Variants in CTNNA3 observed in about 807,000 individuals in gnomAD.
The protein encoded by CTNNA3 is catenin alpha-3.
A neutral mutation model predicts 95.7 loss-of-function variants in CTNNA3; 76 were observed. The ratio of observed to expected loss-of-function variants is 0.79; its 90% CI spans 0.66 to 0.96. The LOEUF (loss-of-function observed/expected upper bound fraction) is 0.96, where lower values mean the gene tolerates loss of function less well. Among genes scored for constraint, CTNNA3 ranks in the 40% least tolerant of loss-of-function variants. CTNNA3 has a pLI of 0.00. For synonymous variants in CTNNA3, 431 were observed against 374.4 expected (o/e 1.15, Z -1.74); for missense variants, 1,191 against 1,089.8 (o/e 1.09, Z -1.31).
intron 7 of CTNNA3, among the ~76,000 whole-genome samples, chr10:67,119,815 G>A (rs1859369298): frequency 6.6e-6 from 1 of 151,800 alleles, no homozygotes; most frequent in Non-Finnish European, 1.5e-5. Context: ...TCTAAGGTAT[G>A]TGACACATCG....
chr10:66,346,201 A>ATG, intron 12 of CTNNA3, among the ~76,000 whole-genome samples: 4 of 145,760 alleles, frequency 2.7e-5, no homozygotes, highest in Middle Eastern at 3.5e-3. Flanking sequence ...AATAGTAAGT[A>ATG]TGTGTGTGTG....
chr10:66,150,127 C>T (rs1359761520), intron 13 of CTNNA3, among the ~76,000 whole-genome samples: 3 of 152,206 alleles, frequency 2.0e-5, no homozygotes, highest in African/African-American at 7.2e-5. Context: ...ACAATTCCCA[C>T]GTGTCATGGG....
At chr10:67,526,064 G>T (rs1022883591) in intron 4 of CTNNA3, among the ~76,000 whole-genome samples, 1 of 152,076 alleles carries the variant, frequency 6.6e-6, no homozygotes, top group African/African-American at 2.4e-5. Flanking sequence ...CAGAAGGAAA[G>T]AATAGTCAAA....
chr10:66,367,941 G>C (rs1049375319), intron 12 of CTNNA3, among the ~76,000 whole-genome samples: 2 of 144,664 alleles, frequency 1.4e-5, no homozygotes, highest in Non-Finnish European at 3.0e-5. Context: ...CTGGGAGCCC[G>C]CTGACTTTGT....
chr10:65,937,873 G>A (rs538077919), intron 17 of CTNNA3, among the ~76,000 whole-genome samples: 41 of 152,114 alleles, frequency 2.7e-4, no homozygotes, highest in Non-Finnish European at 5.3e-4. Flanking sequence ...TTGCAAGCAG[G>A]TTTGGCATGC....
At chr10:65,969,531 T>C (rs1377200218) in intron 16 of CTNNA3, among the ~76,000 whole-genome samples, 2 of 152,112 alleles carry the variant, frequency 1.3e-5, no homozygotes, top group Non-Finnish European at 1.5e-5. Context: ...AAAGAAACTT[T>C]TTAAAGCAAT....
At chr10:66,120,326 C>G (rs2133813757) in intron 13 of CTNNA3, among the ~76,000 whole-genome samples, 1 of 152,164 alleles carries the variant, frequency 6.6e-6, no homozygotes, top group South Asian at 2.1e-4. Flanking sequence ...GCCAAGAACA[C>G]AATAAATGCT....
intron 11 of CTNNA3, among the ~76,000 whole-genome samples, chr10:66,385,461 C>A (rs781498207): frequency 6.6e-6 from 1 of 151,918 alleles, no homozygotes; most frequent in African/African-American, 2.4e-5. Context: ...AGGCTACTAA[C>A]CAAAAAAAGT....
intron 17 of CTNNA3, among the ~76,000 whole-genome samples, chr10:65,947,184 C>T (rs1360184199): frequency 6.6e-6 from 1 of 151,672 alleles, no homozygotes; most frequent in African/African-American, 2.4e-5. Flanking sequence ...ATTATTCTTC[C>T]TCAAAGCCTA....
At chr10:66,852,969 T>G (rs1202876277) in intron 7 of CTNNA3, among the ~76,000 whole-genome samples, 1 of 152,168 alleles carries the variant, frequency 6.6e-6, no homozygotes, top group Non-Finnish European at 1.5e-5. Flanking sequence ...AGTTAGAGTT[T>G]AAGACAGAGG....
intron 13 of CTNNA3, among the ~76,000 whole-genome samples, chr10:66,113,026 T>C (rs2082177517): frequency 1.3e-5 from 2 of 152,168 alleles, no homozygotes; most frequent in South Asian, 2.1e-4. Context: ...GTTCTGTTTT[T>C]AATTTTGAGA....
At chr10:66,363,153 G>A (rs1318439503) in intron 12 of CTNNA3, among the ~76,000 whole-genome samples, 1 of 152,106 alleles carries the variant, frequency 6.6e-6, no homozygotes, top group Admixed American at 6.6e-5. Context: ...GCTATATCGT[G>A]CGCTGCTTAT....
intron 17 of CTNNA3, among the ~76,000 whole-genome samples, chr10:65,927,091 C>T (rs928886547): frequency 6.6e-6 from 1 of 151,834 alleles, no homozygotes; most frequent in African/African-American, 2.4e-5. Flanking sequence ...GACAGAAATG[C>T]CAGTATACAA....
intron 12 of CTNNA3, among the ~76,000 whole-genome samples, chr10:66,281,397 T>C (rs2091488876): frequency 6.6e-6 from 1 of 151,914 alleles, no homozygotes; most frequent in South Asian, 2.1e-4. Context: ...AAGTGTTCAA[T>C]GTGATTCAAA....
chr10:66,052,895 G>A (rs1411732206), intron 15 of CTNNA3, among the ~76,000 whole-genome samples: 2 of 151,982 alleles, frequency 1.3e-5, no homozygotes, highest in African/African-American at 4.8e-5. Context: ...CGAGGTTGAG[G>A]ATAAGGTATT....
At chr10:66,118,502 T>C (rs2082434830) in intron 13 of CTNNA3, among the ~76,000 whole-genome samples, 1 of 152,196 alleles carries the variant, frequency 6.6e-6, no homozygotes, top group African/African-American at 2.4e-5. Flanking sequence ...TCCCAGGCAC[T>C]CTTTAGCTAT....
At chr10:66,953,581 G>GT (rs1554885541) in intron 7 of CTNNA3, among the ~76,000 whole-genome samples, 1 of 151,780 alleles carries the variant, frequency 6.6e-6, no homozygotes, top group African/African-American at 2.4e-5. Flanking sequence ...CATGGGTTTT[G>GT]TTTTTTTCTA....
chr10:67,511,661 T>A (rs1373001079), intron 5 of CTNNA3, among the ~76,000 whole-genome samples: 1 of 152,188 alleles, frequency 6.6e-6, no homozygotes, highest in Non-Finnish European at 1.5e-5. Context: ...ATTCTCTTTT[T>A]TTGTTGTGTC....
intron 7 of CTNNA3, among the ~76,000 whole-genome samples, chr10:66,912,429 A>C (rs1009022186): frequency 1.3e-5 from 2 of 152,202 alleles, no homozygotes; most frequent in Non-Finnish European, 2.9e-5. Context: ...AGTTTACATA[A>C]AATTCTATTC....
Sources: gnomAD v4.1 joint callset for allele counts (sites outside exome capture counted in the v4.1 genomes callset) on GRCh38, gnomAD v4.1.1 for gene constraint, MANE v1.5 for transcripts, NCBI Gene and HGNC (gene_info 2026-07-23, HGNC 2026-07-21) for gene names.